MPDZ: variants seen among roughly 807,000 people sequenced by gnomAD.
MPDZ encodes multiple PDZ domain crumbs cell polarity complex component.
Under a neutral mutation model 239.1 loss-of-function variants are expected in MPDZ, and 234 were observed. The ratio of observed to expected loss-of-function variants is 0.98; its 90% confidence interval spans 0.88 to 1.09. The LOEUF (loss-of-function observed/expected upper bound fraction) is 1.09, where lower values mean the gene tolerates loss of function less well. Ranked by LOEUF, MPDZ falls within the 50% of genes least tolerant of loss-of-function variation. MPDZ has a pLI of 0.00. For synonymous variants in MPDZ, 1,048 were observed against 881.3 expected, an observed-to-expected ratio of 1.19 and a Z score of -3.35; for missense variants, 3,175 against 2,510.0, an observed-to-expected ratio of 1.26 and a Z score of -5.66.
At chr9:13,265,537 C>G (rs1391369165) in intron 1 of MPDZ, among the ~76,000 whole-genome samples, 3 of 152,154 alleles carry the variant, frequency 2.0e-5, no homozygotes, top group African/African-American at 7.2e-5. Flanking sequence ...CCATTGCACT[C>G]CAGCCCAGGC....
intron 21 of MPDZ, among the ~76,000 whole-genome samples, chr9:13,174,627 A>T (rs1952221486): frequency 6.6e-6 from 1 of 152,154 alleles, no homozygotes; most frequent in Non-Finnish European, 1.5e-5. Flanking sequence ...CATCCTACAA[A>T]ACTAGTATTT....
chr9:13,115,106 C>T (rs1031673152), intron 40 of MPDZ, 142 bp downstream of exon 40: 1 of 627,614 alleles, frequency 1.6e-6, no homozygotes, highest in Admixed American at 2.7e-5. Context: ...CCTTGTTCTT[C>T]TCTGTCTCAA....
At chr9:13,246,439 C>A (rs1966612675) in intron 3 of MPDZ, among the ~76,000 whole-genome samples, 1 of 152,040 alleles carries the variant, frequency 6.6e-6, no homozygotes, top group Non-Finnish European at 1.5e-5. Context: ...GAGACTCTGT[C>A]TCAAAAAAAT....
chr9:13,228,868 C>T (rs1258610920), intron 3 of MPDZ, among the ~76,000 whole-genome samples: 2 of 152,058 alleles, frequency 1.3e-5, no homozygotes, highest in East Asian at 3.9e-4. Flanking sequence ...ATAAATACAA[C>T]TGGTACAAAT....
rs533761130 is a variant in MPDZ at position 13,235,298 on chromosome 9, A to G, written c.184-10715T>C. ...ACTAAATGAGACACAAAATGGAGCA[A>G]TAAGTTATAAGAAGGGAAAACAATA... On this transcript the variant is annotated intron_variant, in intron 3 of 46. Coordinates refer to ENST00000319217, the MANE Select transcript of MPDZ (RefSeq NM_001378778.1). 3.4e-4 allele frequency among the ~76,000 whole-genome samples: 52 copies of G among 152,326 alleles called. 1 individual carries two copies. The highest frequency in any genetic ancestry group is 3.4e-3 in the Middle Eastern group (1 of 294).
rs142441761 is a variant in MPDZ at position 13,112,709 on chromosome 9, A to G, written c.5601+302T>C. Among the ~76,000 whole-genome samples, 679 of 152,324 alleles carry G rather than the reference A, an allele frequency of 4.5e-3. 8 individuals are homozygous for G. Among genetic ancestry groups the G allele is most frequent in the African/African-American group, 0.015 (624 of 41,562 alleles). On this transcript the variant is annotated intron_variant, in intron 42 of 46. Transcript: ENST00000319217. ...GTCAAGGGAATCTGTTTCAGAACTA[A>G]TAAGTATCTGTTGAAGAGAAAGGTT...
In MPDZ at chr9:13,199,510, G is replaced by A. The variant is rs115183294; in HGVS notation, c.1547-3280C>T. Among the ~76,000 whole-genome samples, 1,401 of 151,682 alleles carry A rather than the reference G, an allele frequency of 9.2e-3. 26 individuals are homozygous for A. The highest frequency in any genetic ancestry group is 0.032 in the African/African-American group (1,339 of 41,390). On this transcript the variant is annotated intron_variant, in intron 12 of 46. Transcript: ENST00000319217. Reference sequence around the variant, plus strand: ...CGTTATTTCCTTCTCTTGCTTAACCGCTCTGGCAAGGACTTGCAGTACTTA... The same window carrying A: ...CGTTATTTCCTTCTCTTGCTTAACCACTCTGGCAAGGACTTGCAGTACTTA...
At chr9:13,208,972 G>A (rs1426112619) in intron 10 of MPDZ, among the ~76,000 whole-genome samples, 1 of 152,078 alleles carries the variant, frequency 6.6e-6, no homozygotes, top group Non-Finnish European at 1.5e-5. Context: ...GGAAACCAAA[G>A]AAGCACCAAG....
intron 23 of MPDZ, among the ~76,000 whole-genome samples, chr9:13,159,014 A>G (rs184180748): frequency 3.9e-4 from 59 of 152,288 alleles, no homozygotes; most frequent in African/African-American, 1.2e-3. Context: ...GATTCAATAA[A>G]TGTTTTCAGT....
chr9:13,162,929 G>A, intron 22 of MPDZ, 134 bp from the exon 23 acceptor site: 1 of 591,624 alleles, frequency 1.7e-6, no homozygotes, highest in South Asian at 2.4e-5. Flanking sequence ...CATTTAATCA[G>A]TATATTCAGC....
chr9:13,224,120 T>C (rs1163967187), intron 4 of MPDZ, among the ~76,000 whole-genome samples: 4 of 152,028 alleles, frequency 2.6e-5, no homozygotes, highest in Admixed American at 6.6e-5. Flanking sequence ...TTGAATAACA[T>C]TTTTCCAAGG....
chr9:13,156,070 T>C (rs994528671), intron 24 of MPDZ, among the ~76,000 whole-genome samples: 1 of 152,186 alleles, frequency 6.6e-6, no homozygotes, highest in African/African-American at 2.4e-5. Flanking sequence ...TTTGCTTAGG[T>C]ACCAGTGACA....
chr9:13,212,070 C>A (rs1436915188), intron 10 of MPDZ, among the ~76,000 whole-genome samples: 2 of 151,998 alleles, frequency 1.3e-5, no homozygotes, highest in African/African-American at 4.8e-5. Flanking sequence ...TTTTTATCTG[C>A]AAAACATTCT....
intron 22 of MPDZ, among the ~76,000 whole-genome samples, chr9:13,166,606 A>C (rs1244452174): frequency 1.3e-5 from 2 of 152,104 alleles, no homozygotes; most frequent in African/African-American, 4.8e-5. Flanking sequence ...AGAGGAGGGA[A>C]GGTTGTACGA....
chr9:13,178,256 C>G (rs1587550390), intron 19 of MPDZ, among the ~76,000 whole-genome samples: 1 of 87,372 alleles, frequency 1.1e-5, no homozygotes, highest in Non-Finnish European at 2.7e-5. Context: ...GAGACTGCAT[C>G]TCAAAAAAAA....
rs760034505 is a variant in MPDZ at position 13,112,102 on chromosome 9, G to T, written c.5646C>A (p.Gly1882=). The part of the protein sequence containing the change: ...SLGISIAGGV[G]SPLGDVPIFI... Reference sequence around the variant, plus strand: ...ATATAGGCACATCACCAAGTGGGCTGCCTACTCCTCCAGCGATGCTGATTC... The same window carrying T: ...ATATAGGCACATCACCAAGTGGGCTTCCTACTCCTCCAGCGATGCTGATTC... The change falls in exon 43 of 47, where the codon GGC becomes GGA. Residue 1882 remains glycine (G), a synonymous_variant. Coordinates refer to ENST00000319217, the MANE Select transcript of MPDZ (RefSeq NM_001378778.1). 3 of 1,613,230 alleles carry T rather than the reference G, an allele frequency of 1.9e-6. No homozygotes were observed. The highest frequency in any genetic ancestry group is 2.5e-6 in the Non-Finnish European group (3 of 1,179,426).
intron 1 of MPDZ, among the ~76,000 whole-genome samples, chr9:13,267,315 A>T (rs891304058): frequency 5.9e-5 from 9 of 152,300 alleles, no homozygotes; most frequent in Admixed American, 5.9e-4. Context: ...CTTAAACAAA[A>T]CCTATGTCCT....
intron 19 of MPDZ, among the ~76,000 whole-genome samples, chr9:13,177,527 T>C (rs771852686): frequency 2.6e-5 from 4 of 152,186 alleles, no homozygotes; most frequent in Non-Finnish European, 5.9e-5. Context: ...AACACAGCCA[T>C]ACAATAAATA....
intron 3 of MPDZ, among the ~76,000 whole-genome samples, chr9:13,247,273 T>G (rs1306315680): frequency 6.6e-6 from 1 of 152,306 alleles, no homozygotes; most frequent in East Asian, 1.9e-4. Flanking sequence ...GTATACTGAA[T>G]GTCCGAATCT....
Sources: gnomAD v4.1 joint callset for allele counts (sites outside exome capture counted in the v4.1 genomes callset) on GRCh38, gnomAD v4.1.1 for gene constraint, MANE v1.5 for transcripts, NCBI Gene and HGNC (gene_info 2026-07-23, HGNC 2026-07-21) for gene names.